ELMO1: variants seen among roughly 807,000 people sequenced by gnomAD.
ELMO1 encodes the protein engulfment and cell motility 1.
In ELMO1, 26 loss-of-function variants were observed where a neutral mutation model predicts 98.9. The ratio of observed to expected loss-of-function variants is 0.26; its 90% confidence interval spans 0.19 to 0.36. ELMO1 has a LOEUF of 0.36. ELMO1 is among the 10% of genes least tolerant of loss of function. ELMO1 has a pLI of 1.00. For missense variants in ELMO1, 627 were observed against 935.2 expected (o/e 0.67, Z 4.30); for synonymous variants, 346 against 346.0 (o/e 1.00, Z 0.00).
chr7:37,162,752 G>T (rs1789313395), intron 13 of ELMO1, among the ~76,000 whole-genome samples: 2 of 152,172 alleles, frequency 1.3e-5, no homozygotes, highest in Non-Finnish European at 2.9e-5. Flanking sequence ...GATGGAGAAG[G>T]TGTTTCTAGC....
rs183572328 is a variant in ELMO1 at position 37,297,961 on chromosome 7, G to T, written c.192+16889C>A. On this transcript the variant is annotated intron_variant, in intron 4 of 21. Transcript: ENST00000310758. The stretch of plus-strand genomic sequence containing the variant: ...AAATATGTTTGAAGTAGATACAGTA[G>T]AATGCCATTGGTTTTCTCTAAGTAA... Among the ~76,000 whole-genome samples the T allele has an allele frequency of 3.0e-3, 455 of 152,218 alleles. 3 individuals are homozygous for T. Among genetic ancestry groups the T allele is most frequent in the African/African-American group, 0.01 (433 of 41,526 alleles).
intron 16 of ELMO1, among the ~76,000 whole-genome samples, chr7:36,896,716 G>T (rs1265311953): frequency 6.6e-6 from 1 of 152,018 alleles, no homozygotes; most frequent in African/African-American, 2.4e-5. Context: ...TGCCAAATTT[G>T]GGATGCTTGA....
At chr7:37,069,759 T>C (rs1258706602) in intron 15 of ELMO1, among the ~76,000 whole-genome samples, 15 of 152,348 alleles carry the variant, frequency 9.8e-5, no homozygotes, top group Admixed American at 7.2e-4. Flanking sequence ...GCTAGAATGT[T>C]CTACTGACTT....
intron 5 of ELMO1, among the ~76,000 whole-genome samples, chr7:37,261,059 C>T (rs1001402440): frequency 6.6e-6 from 1 of 152,052 alleles, no homozygotes; most frequent in African/African-American, 2.4e-5. Flanking sequence ...ATAATGAGTA[C>T]CCAAAAATTA....
intron 1 of ELMO1, among the ~76,000 whole-genome samples, chr7:37,371,819 G>T (rs546400792): frequency 2.6e-4 from 39 of 152,260 alleles, no homozygotes; most frequent in Admixed American, 1.3e-4. Context: ...CCTGCATTTA[G>T]TCATCACTCC....
chr7:37,272,243 T>A (rs555211782), intron 4 of ELMO1, among the ~76,000 whole-genome samples: 7 of 152,242 alleles, frequency 4.6e-5, no homozygotes, highest in Admixed American at 3.3e-4. Flanking sequence ...CACAAAAATT[T>A]GTGCACTAAT....
chr7:37,297,374 C>G (rs999204472), intron 4 of ELMO1, among the ~76,000 whole-genome samples: 9 of 152,048 alleles, frequency 5.9e-5, no homozygotes, highest in Admixed American at 5.9e-4. Flanking sequence ...CATTCAGAAG[C>G]TATGTGACCT....
chr7:37,309,886 C>A (rs763327858), intron 4 of ELMO1, among the ~76,000 whole-genome samples: 48 of 152,212 alleles, frequency 3.2e-4, no homozygotes, highest in Non-Finnish European at 6.6e-4. Flanking sequence ...TTTCTGGAGA[C>A]TGGGATTACC....
chr7:37,393,986 T>G (rs1343769367), intron 1 of ELMO1: 1 of 152,200 alleles, frequency 6.6e-6, no homozygotes, highest in Non-Finnish European at 1.5e-5. Context: ...ATACTTTAAG[T>G]CCTACTCACA....
intron 15 of ELMO1, among the ~76,000 whole-genome samples, chr7:37,050,308 A>G (rs1356213531): frequency 6.6e-6 from 1 of 152,058 alleles, no homozygotes; most frequent in African/African-American, 2.4e-5. Context: ...TCCTGAGCTC[A>G]GGTAATCCGC....
intron 13 of ELMO1, among the ~76,000 whole-genome samples, chr7:37,193,967 C>T (rs1293084000): frequency 2.0e-5 from 3 of 152,214 alleles, no homozygotes; most frequent in Non-Finnish European, 4.4e-5. Context: ...CCTCTAAATA[C>T]ATCTCACTGG....
rs538894493 is a variant in ELMO1 at position 37,203,770 on chromosome 7, C to T, written c.1086+7616G>A. Among the ~76,000 whole-genome samples, 7 of 151,978 alleles carry T rather than the reference C, an allele frequency of 4.6e-5. No homozygotes were observed. The East Asian group carries it at 1.4e-3, about 29-fold the overall frequency. ...TAGATAGGATAGATGGGCGAGTCTG[C>T]TTGGACGACATGCCTTTGAGAGTTC... On this transcript the variant is annotated intron_variant, in intron 13 of 21. Coordinates refer to ENST00000310758, the MANE Select transcript of ELMO1 (RefSeq NM_014800.11).
At chr7:37,297,085 T>C (rs887059973) in intron 4 of ELMO1, among the ~76,000 whole-genome samples, 1 of 152,080 alleles carries the variant, frequency 6.6e-6, no homozygotes, top group Admixed American at 6.6e-5. Flanking sequence ...AATATATGCA[T>C]GGGGGAGGAG....
chr7:36,937,290 TGAAGACA>T (rs1786625682), intron 16 of ELMO1, among the ~76,000 whole-genome samples: 1 of 152,194 alleles, frequency 6.6e-6, no homozygotes, highest in Admixed American at 6.5e-5. Context: ...GATGGCAATA[TGAAGACA>T]GTCACACAGG....
At chr7:37,426,612 T>A (rs1328844584) in intron 1 of ELMO1, among the ~76,000 whole-genome samples, 1 of 152,148 alleles carries the variant, frequency 6.6e-6, no homozygotes, top group Admixed American at 6.5e-5. Context: ...CATACCAGCA[T>A]CTCGTTTGGA....
intron 13 of ELMO1, among the ~76,000 whole-genome samples, chr7:37,203,236 C>T (rs1249005050): frequency 6.6e-6 from 1 of 152,188 alleles, no homozygotes; most frequent in Non-Finnish European, 1.5e-5. Flanking sequence ...ATGGCCCTTA[C>T]TGACACATTC....
intron 15 of ELMO1, among the ~76,000 whole-genome samples, chr7:37,093,063 AT>A (rs1467051828): frequency 2.0e-5 from 3 of 152,138 alleles, no homozygotes; most frequent in African/African-American, 7.2e-5. Context: ...CTTCAACTGA[AT>A]AACCTTGACA....
At chr7:37,013,462 G>T (rs1793703197) in intron 15 of ELMO1, 27 bp from the exon 16 acceptor site, 7 of 1,611,744 alleles carry the variant, frequency 4.3e-6, no homozygotes, top group Non-Finnish European at 5.9e-6. Context: ...GAAAATAAGA[G>T]AAAAAGTTTT....
chr7:37,167,004 T>C (rs999944644), intron 13 of ELMO1, among the ~76,000 whole-genome samples: 207 of 152,204 alleles, frequency 1.4e-3, no homozygotes, highest in Non-Finnish European at 2.7e-3. Context: ...AGGAGTTGCT[T>C]TATGAATCTG....
Sources: gnomAD v4.1 joint callset for allele counts (sites outside exome capture counted in the v4.1 genomes callset) on GRCh38, gnomAD v4.1.1 for gene constraint, MANE v1.5 for transcripts, NCBI Gene and HGNC (gene_info 2026-07-23, HGNC 2026-07-21) for gene names.